Variants in NAALADL2 observed in about 807,000 individuals in gnomAD.
NAALADL2 encodes the protein inactive N-acetylated-alpha-linked acidic dipeptidase-like protein 2.
NAALADL2 carries 76 observed loss-of-function variants against 87.2 expected under a neutral mutation model. The ratio of observed to expected loss-of-function variants is 0.87; its 90% CI spans 0.72 to 1.05. The LOEUF (loss-of-function observed/expected upper bound fraction) is 1.05, where lower values mean the gene tolerates loss of function less well. Among genes scored for constraint, NAALADL2 ranks in the 50% least tolerant of loss-of-function variants. The pLI, the probability that NAALADL2 is intolerant of heterozygous loss-of-function variation, is 0.00. For synonymous variants in NAALADL2, 354 were observed against 331.0 expected (o/e 1.07, Z -0.75); for missense variants, 1,089 against 945.8 (o/e 1.15, Z -1.99).
intron 5 of NAALADL2, among the ~76,000 whole-genome samples, chr3:175,374,019 A>T (rs137950126): frequency 3.3e-5 from 5 of 151,992 alleles, no homozygotes. Flanking sequence ...TTACTATTGA[A>T]TTTTTTTATA....
At chr3:174,484,949 GA>G (rs1227109606) in intron 1 of NAALADL2, among the ~76,000 whole-genome samples, 1 of 152,008 alleles carries the variant, frequency 6.6e-6, no homozygotes, top group East Asian at 1.9e-4. Context: ...TTATTGTAAA[GA>G]GTAGAAATGA....
intron 1 of NAALADL2, among the ~76,000 whole-genome samples, chr3:175,083,056 A>G (rs1264798552): frequency 6.6e-6 from 1 of 152,218 alleles, no homozygotes; most frequent in Non-Finnish European, 1.5e-5. Flanking sequence ...TTGTCCACAT[A>G]AGAAACACCA....
chr3:175,553,231 G>A (rs958378400), intron 9 of NAALADL2, among the ~76,000 whole-genome samples: 1 of 152,120 alleles, frequency 6.6e-6, no homozygotes, highest in Non-Finnish European at 1.5e-5. Context: ...CCTAAAACCT[G>A]AGAACAGTCT....
chr3:175,115,268 A>C lies in NAALADL2; in HGVS notation c.545+17977A>C, dbSNP rs376238042. The C allele has an allele frequency of 2.6e-5, 4 of 151,358 alleles. No homozygotes were observed. The East Asian group carries it at 5.8e-4, about 22-fold the overall frequency. 9.4% of individuals were successfully genotyped at this position (151,358 alleles called of 1,614,324 possible). On this transcript the variant is annotated intron_variant, in intron 2 of 13. Transcript: ENST00000454872. ...CCCAGCAAACAGTCAAACATAACTT[A>C]CTTCTTTATTGTGAGCATTGATTTG...
At chr3:175,337,181 A>G (rs1762069985) in intron 5 of NAALADL2, among the ~76,000 whole-genome samples, 1 of 148,792 alleles carries the variant, frequency 6.7e-6, no homozygotes, top group Non-Finnish European at 1.5e-5. Flanking sequence ...TACTGATAGC[A>G]ACCCCTTTTA....
chr3:175,592,214 T>C (rs1346956577), intron 10 of NAALADL2, among the ~76,000 whole-genome samples: 1 of 152,122 alleles, frequency 6.6e-6, no homozygotes, highest in Non-Finnish European at 1.5e-5. Context: ...ACACAGGACA[T>C]AGCCATAATT....
intron 5 of NAALADL2, among the ~76,000 whole-genome samples, chr3:175,438,468 T>A (rs1719126557): frequency 6.6e-6 from 1 of 152,102 alleles, no homozygotes; most frequent in Non-Finnish European, 1.5e-5. Context: ...CTGGAGAAAG[T>A]CAAATAAAAT....
chr3:174,644,870 T>G (rs2108741173), intron 2 of NAALADL2, among the ~76,000 whole-genome samples: 1 of 152,354 alleles, frequency 6.6e-6, no homozygotes, highest in African/African-American at 2.4e-5. Context: ...TACCTCTTGG[T>G]TTAAAAATCA....
At chr3:175,010,327 T>G (rs192884966) in intron 1 of NAALADL2, among the ~76,000 whole-genome samples, 1 of 152,142 alleles carries the variant, frequency 6.6e-6, no homozygotes, top group African/African-American at 2.4e-5. Flanking sequence ...TTATGGCACA[T>G]CTTTCAAAGG....
chr3:175,787,748 G>A (rs1163635013), intron 13 of NAALADL2, among the ~76,000 whole-genome samples: 2 of 151,896 alleles, frequency 1.3e-5, no homozygotes, highest in Non-Finnish European at 2.9e-5. Flanking sequence ...ACAACATAAC[G>A]CTTTTAGAAC....
At chr3:174,708,083 C>T (rs1035536665) in intron 2 of NAALADL2, among the ~76,000 whole-genome samples, 1 of 152,084 alleles carries the variant, frequency 6.6e-6, no homozygotes, top group Middle Eastern at 3.2e-3. Flanking sequence ...TCTAAGGAAC[C>T]ATAGCCAATT....
chr3:174,699,662 A>G (rs1729368026), intron 2 of NAALADL2, among the ~76,000 whole-genome samples: 1 of 152,158 alleles, frequency 6.6e-6, no homozygotes, highest in African/African-American at 2.4e-5. Flanking sequence ...ATGTAAACAT[A>G]GTTTTATGTA....
chr3:175,081,836 A>AT (rs1222139608), intron 1 of NAALADL2, among the ~76,000 whole-genome samples: 2 of 152,044 alleles, frequency 1.3e-5, no homozygotes, highest in Non-Finnish European at 2.9e-5. Context: ...TTTATTGTAC[A>AT]TTTTTGGTTT....
intron 2 of NAALADL2, among the ~76,000 whole-genome samples, chr3:175,135,362 T>TA (rs1457981751): frequency 2.0e-5 from 3 of 152,152 alleles, no homozygotes; most frequent in Admixed American, 6.5e-5. Context: ...CATACGGTAA[T>TA]AAAAATATCC....
intron 11 of NAALADL2, among the ~76,000 whole-genome samples, chr3:175,633,572 C>T (rs1002867385): frequency 2.0e-4 from 30 of 151,772 alleles, no homozygotes; most frequent in African/African-American, 5.3e-4. Context: ...CTCAAATGCT[C>T]TATAGTATAT....
chr3:174,560,473 G>A (rs1379771796), intron 2 of NAALADL2, among the ~76,000 whole-genome samples: 1 of 152,150 alleles, frequency 6.6e-6, no homozygotes, highest in African/African-American at 2.4e-5. Context: ...GTTCTTTGAG[G>A]GCAGATACTG....
chr3:174,810,187 T>A (rs2109291055), intron 3 of NAALADL2, among the ~76,000 whole-genome samples: 1 of 152,096 alleles, frequency 6.6e-6, no homozygotes, highest in Non-Finnish European at 1.5e-5. Flanking sequence ...TACTTAAGAG[T>A]GGGACATTGC....
At chr3:174,883,987 C>T (rs1729749303) in intron 1 of NAALADL2, among the ~76,000 whole-genome samples, 1 of 152,148 alleles carries the variant, frequency 6.6e-6, no homozygotes, top group Non-Finnish European at 1.5e-5. Flanking sequence ...CCAATCACCC[C>T]AGCCAATACT....
At chr3:175,651,016 A>G (rs1730686145) in intron 11 of NAALADL2, among the ~76,000 whole-genome samples, 1 of 152,216 alleles carries the variant, frequency 6.6e-6, no homozygotes, top group Non-Finnish European at 1.5e-5. Flanking sequence ...TTGGGAATAC[A>G]AACAAAAAAA....
Sources: gnomAD v4.1 joint callset for allele counts (sites outside exome capture counted in the v4.1 genomes callset) on GRCh38, gnomAD v4.1.1 for gene constraint, MANE v1.5 for transcripts, NCBI Gene and HGNC (gene_info 2026-07-23, HGNC 2026-07-21) for gene names.